Variants in UBE2E2 observed in about 807,000 individuals in gnomAD.
UBE2E2 encodes ubiquitin-conjugating enzyme E2 E2.
Under a neutral mutation model 24.7 loss-of-function variants are expected in UBE2E2, and 6 were observed. That is an observed-to-expected ratio of 0.24 (90% CI 0.13 to 0.48). The LOEUF (loss-of-function observed/expected upper bound fraction) is 0.48, where lower values mean the gene tolerates loss of function less well. Among genes scored for constraint, UBE2E2 ranks in the 20% least tolerant of loss-of-function variants. UBE2E2 has a pLI of 0.99. For synonymous variants in UBE2E2, 104 were observed against 83.6 expected, an observed-to-expected ratio of 1.24 and a Z score of -1.33; for missense variants, 169 against 245.0, an observed-to-expected ratio of 0.69 and a Z score of 2.07.
At chr3:23,368,239 T>C (rs1009645719) in intron 3 of UBE2E2, among the ~76,000 whole-genome samples, 1 of 152,190 alleles carries the variant, frequency 6.6e-6, no homozygotes, top group Non-Finnish European at 1.5e-5. Flanking sequence ...GATTGTGAAA[T>C]GGCAAAGTTG....
chr3:23,226,315 CA>C (rs1696825240), intron 3 of UBE2E2, among the ~76,000 whole-genome samples: 2 of 152,162 alleles, frequency 1.3e-5, no homozygotes. Context: ...GTGATCTCTA[CA>C]AAGAACAACC....
chr3:23,500,901 CA>C (rs1291439199), intron 4 of UBE2E2, among the ~76,000 whole-genome samples: 8 of 152,296 alleles, frequency 5.3e-5, no homozygotes, highest in African/African-American at 1.9e-4. Flanking sequence ...CTCCAAAGCC[CA>C]TACTTCTTCC....
chr3:23,454,667 A>G lies in UBE2E2; in HGVS notation c.228-44941A>G, dbSNP rs566080779. ...CCGTGTGTGATGTCTGGGTATGCCT[A>G]TATGAGAAATAATACGTGAATATGC... On this transcript the variant is annotated intron_variant, in intron 3 of 5. Coordinates refer to ENST00000396703, the MANE Select transcript of UBE2E2 (RefSeq NM_152653.4). 6.6e-5 allele frequency among the ~76,000 whole-genome samples: 10 copies of G among 152,354 alleles called. No individual in the cohort carries two copies. In the East Asian group the frequency reaches 1.9e-3, roughly 29 times the overall value.
chr3:23,483,174 C>G (rs1164461428), intron 3 of UBE2E2, among the ~76,000 whole-genome samples: 2 of 152,154 alleles, frequency 1.3e-5, no homozygotes, highest in East Asian at 3.9e-4. Context: ...CAGAGTGTTG[C>G]ATGGAAAAGA....
At chr3:23,372,501 T>G (rs1006525345) in intron 3 of UBE2E2, among the ~76,000 whole-genome samples, 7 of 152,226 alleles carry the variant, frequency 4.6e-5, no homozygotes, top group Non-Finnish European at 2.9e-5. Context: ...AATTTAACCT[T>G]GCTATTTGTA....
At chr3:23,483,394 T>G (rs1370760968) in intron 3 of UBE2E2, among the ~76,000 whole-genome samples, 2 of 152,252 alleles carry the variant, frequency 1.3e-5, no homozygotes, top group African/African-American at 4.8e-5. Context: ...TGACACTGCA[T>G]GTATGTAAAT....
chr3:23,512,306 C>T (rs1250831416), intron 4 of UBE2E2, among the ~76,000 whole-genome samples: 2 of 152,028 alleles, frequency 1.3e-5, no homozygotes, highest in African/African-American at 2.4e-5. Flanking sequence ...CAGCCTCAAC[C>T]TCCAGGGCTC....
intron 3 of UBE2E2, among the ~76,000 whole-genome samples, chr3:23,405,396 A>G (rs1000791344): frequency 6.6e-6 from 1 of 152,204 alleles, no homozygotes; most frequent in Non-Finnish European, 1.5e-5. Flanking sequence ...TTAGTGGCAG[A>G]GCCTGAAAAG....
At chr3:23,277,750 T>C (rs1337656911) in intron 3 of UBE2E2, among the ~76,000 whole-genome samples, 2 of 152,116 alleles carry the variant, frequency 1.3e-5, no homozygotes, top group Non-Finnish European at 2.9e-5. Flanking sequence ...TGTTCTGGGC[T>C]CTAAGGCTAT....
At chr3:23,218,551 A>G (rs946621015) in intron 3 of UBE2E2, among the ~76,000 whole-genome samples, 59 of 151,990 alleles carry the variant, frequency 3.9e-4, no homozygotes, top group African/African-American at 1.3e-3. Flanking sequence ...AATGGTCTGA[A>G]TCTTTAAAAA....
intron 4 of UBE2E2, among the ~76,000 whole-genome samples, chr3:23,519,418 CTT>C: frequency 6.6e-6 from 1 of 152,074 alleles, no homozygotes; most frequent in Non-Finnish European, 1.5e-5. Flanking sequence ...TTCAAGTATG[CTT>C]CCTGATTAGC....
intron 5 of UBE2E2, among the ~76,000 whole-genome samples, chr3:23,569,226 A>G (rs1268723809): frequency 6.6e-6 from 1 of 152,200 alleles, no homozygotes; most frequent in Non-Finnish European, 1.5e-5. Flanking sequence ...CAATCACAAG[A>G]GACTACATAT....
intron 3 of UBE2E2, among the ~76,000 whole-genome samples, chr3:23,239,936 G>A (rs985729003): frequency 6.6e-6 from 1 of 152,152 alleles, no homozygotes; most frequent in Non-Finnish European, 1.5e-5. Context: ...CTCTTTTAAA[G>A]TGTAATTTCT....
At chr3:23,277,218 T>TA (rs1384826529) in intron 3 of UBE2E2, among the ~76,000 whole-genome samples, 1 of 152,018 alleles carries the variant, frequency 6.6e-6, no homozygotes, top group African/African-American at 2.4e-5. Flanking sequence ...AATACAAAAC[T>TA]AAAAAAAATT....
chr3:23,448,630 A>G (rs866864801), intron 3 of UBE2E2, among the ~76,000 whole-genome samples: 5 of 152,316 alleles, frequency 3.3e-5, no homozygotes, highest in East Asian at 1.9e-4. Context: ...TCTCTCACCA[A>G]TTGGAGGGTG....
intron 3 of UBE2E2, among the ~76,000 whole-genome samples, chr3:23,324,291 A>G (rs1694827227): frequency 6.6e-6 from 1 of 152,132 alleles, no homozygotes; most frequent in Non-Finnish European, 1.5e-5. Context: ...TTCTTATAAA[A>G]TGAAGTTTGT....
intron 3 of UBE2E2, among the ~76,000 whole-genome samples, chr3:23,322,881 CCTTAA>C (rs1213465429): frequency 1.3e-5 from 2 of 151,720 alleles, no homozygotes; most frequent in Admixed American, 6.6e-5. Flanking sequence ...TTGATTTTAG[CCTTAA>C]CTTAGCTGTA....
chr3:23,459,231 G>A (rs1698756026), intron 3 of UBE2E2, among the ~76,000 whole-genome samples: 1 of 152,206 alleles, frequency 6.6e-6, no homozygotes, highest in South Asian at 2.1e-4. Context: ...TGGCTCCTAA[G>A]AGATAGTTTT....
At position 23,447,180 on chromosome 3, in the gene UBE2E2, A is replaced by T. The variant is rs369417389; in HGVS notation, c.228-52428A>T. ...GTTTATTTAATTAATGCCAGTCTCT[A>T]TGTAAGTTCCCTGAGAGTAGTGTCA... On this transcript the variant is annotated intron_variant, in intron 3 of 5. Coordinates refer to ENST00000396703, the MANE Select transcript of UBE2E2 (RefSeq NM_152653.4). 3.9e-5 allele frequency among the ~76,000 whole-genome samples: 6 copies of T among 152,218 alleles called. No homozygotes were observed. The East Asian group carries it at 5.8e-4, about 15-fold the overall frequency.
Sources: allele counts gnomAD v4.1 joint callset (sites outside exome capture counted in the v4.1 genomes callset), GRCh38; gene constraint gnomAD v4.1.1; transcripts MANE v1.5; gene names NCBI Gene and HGNC (gene_info 2026-07-23, HGNC 2026-07-21).